Variants in EXT2 observed in about 807,000 individuals in gnomAD.
EXT2 encodes exostosin glycosyltransferase 2.
In EXT2, 53 loss-of-function variants were observed where a neutral mutation model predicts 81.6. That is an observed-to-expected ratio of 0.65 (90% confidence interval 0.52 to 0.82). The LOEUF (loss-of-function observed/expected upper bound fraction) is 0.82. EXT2 is among the 40% of genes least tolerant of loss of function. The pLI is 0.00. For synonymous variants in EXT2, 320 were observed against 340.0 expected (o/e 0.94, Z 0.65); for missense variants, 774 against 910.2 (o/e 0.85, Z 1.93).
intron 7 of EXT2, among the ~76,000 whole-genome samples, chr11:44,170,795 T>C (rs1955059724): frequency 6.8e-6 from 1 of 146,802 alleles, no homozygotes; most frequent in African/African-American, 2.6e-5. Flanking sequence ...CATCCATAAT[T>C]TAAAACGTTC....
At chr11:44,213,485 T>C (rs997930356) in intron 10 of EXT2, among the ~76,000 whole-genome samples, 5 of 152,190 alleles carry the variant, frequency 3.3e-5, no homozygotes, top group Admixed American at 3.3e-4. Context: ...CAATTATGAC[T>C]ACTGTCAAAA....
intron 9 of EXT2, among the ~76,000 whole-genome samples, chr11:44,205,537 G>A (rs1461984898): frequency 6.6e-6 from 1 of 152,314 alleles, no homozygotes; most frequent in East Asian, 1.9e-4. Context: ...TGTGCCACAG[G>A]TTTATTTTAA....
chr11:44,120,363 C>T (rs1316248880), intron 4 of EXT2, among the ~76,000 whole-genome samples: 1 of 152,198 alleles, frequency 6.6e-6, no homozygotes, highest in Admixed American at 6.5e-5. Context: ...GAGCATGTAC[C>T]TCCCTCTGCT....
intron 12 of EXT2, among the ~76,000 whole-genome samples, chr11:44,235,393 C>T (rs985579404): frequency 2.6e-5 from 4 of 151,668 alleles, no homozygotes; most frequent in African/African-American, 4.8e-5. Flanking sequence ...AGGTGCACGC[C>T]GCCATGTCCG....
chr11:44,143,887 T>A (rs760961450), intron 7 of EXT2, among the ~76,000 whole-genome samples: 1 of 152,214 alleles, frequency 6.6e-6, no homozygotes, highest in Non-Finnish European at 1.5e-5. Flanking sequence ...ATCATTGCTA[T>A]GTGGGAAAGA....
chr11:44,137,985 AGAGCCAGGAAT>A (rs1954593818), intron 7 of EXT2, among the ~76,000 whole-genome samples: 1 of 152,172 alleles, frequency 6.6e-6, no homozygotes, highest in African/African-American at 2.4e-5. Context: ...TATGCTAAGG[AGAGCCAGGAAT>A]GACCTCAAGA....
At chr11:44,107,601 A>G in intron 1 of EXT2, 82 bp from the exon 2 acceptor site, 1 of 1,364,818 alleles carries the variant, frequency 7.3e-7, no homozygotes, top group Non-Finnish European at 1.0e-6. Flanking sequence ...AACAAAACAA[A>G]AAAAAAGGTT....
chr11:44,209,931 T>C (rs904886200), intron 10 of EXT2, among the ~76,000 whole-genome samples: 1 of 152,260 alleles, frequency 6.6e-6, no homozygotes, highest in Admixed American at 6.5e-5. Context: ...ACCCAGTTCA[T>C]TGCATTCAGT....
At chr11:44,136,852 T>C (rs1954577092) in intron 7 of EXT2, among the ~76,000 whole-genome samples, 1 of 152,180 alleles carries the variant, frequency 6.6e-6, no homozygotes, top group African/African-American at 2.4e-5. Context: ...CAGTGCACAT[T>C]GACCTGATCC....
intron 8 of EXT2, among the ~76,000 whole-genome samples, chr11:44,185,999 G>T (rs1482413650): frequency 6.6e-6 from 1 of 152,164 alleles, no homozygotes; most frequent in Non-Finnish European, 1.5e-5. Flanking sequence ...TGGACACTTT[G>T]TCTTTGGTTT....
chr11:44,206,954 T>G lies in EXT2; in HGVS notation c.1657T>G (p.Tyr553Asp), dbSNP rs1327752383. The change falls in exon 10 of 14, where the codon TAT (tyrosine) becomes GAT (aspartate). Residue 553 changes from tyrosine (Y) to aspartate (D), a missense_variant. Around this residue, in one of 2 missense-constraint regions of EXT2, gnomAD observed 148 missense variants for 239.7 expected, o/e 0.62. Transcript: ENST00000533608. ...MLTSDELQFG[Y>D]EVWREFPDRL... ...GACCTCTGACGAGCTGCAATTTGGT[T>G]ATGAGGTAAGGAGGTTTTACACAGT... 1 of 1,613,964 alleles carries G rather than the reference T, an allele frequency of 6.2e-7. No homozygotes were observed. Among genetic ancestry groups the G allele is most frequent in the African/African-American group, 1.3e-5 (1 of 74,918 alleles).
At chr11:44,226,278 GC>G (rs1350001385) in intron 10 of EXT2, among the ~76,000 whole-genome samples, 6 of 152,200 alleles carry the variant, frequency 3.9e-5, no homozygotes, top group African/African-American at 7.2e-5. Flanking sequence ...GCAAGCTCCT[GC>G]CTGGGGTTGG....
At position 44,246,370 on chromosome 11, in the gene EXT2, G is replaced by A. The variant is rs1956093815; in HGVS notation, c.*2083G>A. ...TTTCTAATGCAGCTTCTCTCCCAAA[G>A]GGTACATTTTTAAATTTTTATTTTT... On this transcript the variant is annotated 3_prime_UTR_variant, in exon 14 of 14. Coordinates refer to ENST00000533608, the MANE Select transcript of EXT2 (RefSeq NM_207122.2). 6.6e-6 allele frequency among the ~76,000 whole-genome samples: 1 copy of A among 152,118 alleles called. No homozygotes were observed. Among genetic ancestry groups the A allele is most frequent in the Non-Finnish European group, 1.5e-5 (1 of 68,028 alleles).
chr11:44,200,101 C>A (rs1037091568), intron 9 of EXT2, among the ~76,000 whole-genome samples: 1 of 150,716 alleles, frequency 6.6e-6, no homozygotes, highest in Non-Finnish European at 1.5e-5. Context: ...GTCCGCATGC[C>A]AGCAAATGCA....
rs151228794 is a variant in EXT2, at chr11:44,107,894, G to A, written c.182G>A (p.Arg61His). 7.3e-5 allele frequency: 118 copies of A among 1,614,194 alleles called. No homozygotes were observed. In the East Asian group the frequency reaches 7.6e-4, roughly 10 times the overall value. ...TCAAATGACTGGAATGTAGAGAAGC[G>A]CAGCATCCGTGATGTGCCGGTTGTT... ...ESSNDWNVEK[R>H]SIRDVPVVRL... The change falls in exon 2 of 14, where the codon CGC (arginine) becomes CAC (histidine). Residue 61 changes from arginine to histidine, a missense_variant. Arg to His is a conservative substitution (Grantham distance 29). Transcript: ENST00000533608.
In EXT2 at chr11:44,234,199, A is replaced by C; in HGVS notation, c.1891A>C (p.Met631Leu). The C allele has an allele frequency of 1.9e-6, 3 of 1,614,180 alleles. No homozygotes were observed. Among genetic ancestry groups the C allele is most frequent in the Non-Finnish European group, 2.5e-6 (3 of 1,180,018 alleles). Residue 631 changes from methionine (M) to leucine (L), a missense_variant, in exon 12 of 14, where the codon ATG becomes CTG. Met to Leu is a conservative substitution (Grantham distance 15). This residue lies in a region of EXT2 where 148 missense variants were observed against 239.7 expected (regional missense o/e 0.62). Coordinates refer to ENST00000533608, the MANE Select transcript of EXT2 (RefSeq NM_207122.2). The stretch of plus-strand genomic sequence containing the variant: ...TCATATGAACTGTGAAGATATTGCC[A>C]TGAACTTCCTGGTGGCCAACGTCAC... ...DAHMNCEDIA[M>L]NFLVANVTGK...
chr11:44,222,759 A>AT (rs1259547985), intron 10 of EXT2, among the ~76,000 whole-genome samples: 2 of 152,132 alleles, frequency 1.3e-5, no homozygotes, highest in African/African-American at 4.8e-5. Flanking sequence ...AGCATGATCC[A>AT]TAAAAAAAAA....
At chr11:44,183,829 C>T (rs775728073) in intron 8 of EXT2, among the ~76,000 whole-genome samples, 6 of 152,074 alleles carry the variant, frequency 3.9e-5, no homozygotes, top group African/African-American at 1.2e-4. Flanking sequence ...CTTTTTTTCT[C>T]ACATTTTTAA....
At chr11:44,157,431 C>G (rs1347798980) in intron 7 of EXT2, among the ~76,000 whole-genome samples, 3 of 152,200 alleles carry the variant, frequency 2.0e-5, no homozygotes, top group African/African-American at 7.2e-5. Flanking sequence ...GCTGAGCTGG[C>G]ATCCAAGCTG....
Sources: allele counts gnomAD v4.1 joint callset (sites outside exome capture counted in the v4.1 genomes callset), GRCh38; gene constraint gnomAD v4.1.1; regional missense constraint gnomAD v4.1.1; transcripts MANE v1.5; gene names NCBI Gene and HGNC (gene_info 2026-07-23, HGNC 2026-07-21).